ANKRD50: variants seen among roughly 807,000 people sequenced by gnomAD.
ANKRD50 encodes the protein ankyrin repeat domain-containing protein 50.
Under a neutral mutation model 112.0 loss-of-function variants are expected in ANKRD50, and 40 were observed. The ratio of observed to expected loss-of-function variants is 0.36; its 90% CI spans 0.28 to 0.46. The LOEUF (loss-of-function observed/expected upper bound fraction) is 0.46, where lower values mean the gene tolerates loss of function less well. ANKRD50 is among the 20% of genes least tolerant of loss of function. ANKRD50 has a pLI of 1.00. For missense variants in ANKRD50, 1,487 were observed against 1,701.7 expected, an observed-to-expected ratio of 0.87 and a Z score of 2.22; for synonymous variants, 613 against 619.1, an observed-to-expected ratio of 0.99 and a Z score of 0.15.
At position 124,671,816 on chromosome 4, in the gene ANKRD50, A is replaced by G; in HGVS notation, c.1461T>C (p.Ser487=). 1 of 1,613,918 alleles carries G rather than the reference A, an allele frequency of 6.2e-7. No homozygotes were observed. Among genetic ancestry groups the G allele is most frequent in the Non-Finnish European group, 8.5e-7 (1 of 1,179,866 alleles). ...WNGTPVRDSL[S]TLIPKEQEVL... ...CTTCTTGTTCCTTGGGTATCAAAGT[A>G]GAAAGGGAATCTCTGACAGGTGTAC... The change falls in exon 4 of 5, where the codon TCT becomes TCC. Residue 487 remains serine (S), a synonymous_variant. Transcript: ENST00000504087.
At chr4:124,694,564 G>A (rs1725208253) in intron 2 of ANKRD50, among the ~76,000 whole-genome samples, 2 of 152,138 alleles carry the variant, frequency 1.3e-5, no homozygotes. Flanking sequence ...AGGAGCTGGA[G>A]CTAGGGCATG....
At chr4:124,668,171 C>A (rs72680254) in intron 4 of ANKRD50, among the ~76,000 whole-genome samples, 4,179 of 151,758 alleles carry the variant, frequency 0.028, 77 homozygotes, top group Middle Eastern at 0.048. Context: ...CACTAACATC[C>A]CCTATATTAT....
At position 124,669,027 on chromosome 4, in the gene ANKRD50, G is replaced by C. The variant is rs774247434; in HGVS notation, c.4250C>G (p.Ser1417Cys). 6.2e-7 allele frequency: 1 copy of C among 1,612,138 alleles called. No homozygotes were observed. Among genetic ancestry groups the C allele is most frequent in the Non-Finnish European group, 8.5e-7 (1 of 1,179,310 alleles). The change falls in exon 4 of 5, where the codon TCT becomes TGT. Residue 1417 changes from serine (S) to cysteine (C), a missense_variant. Physicochemically the swap from Ser to Cys is moderately radical, Grantham distance 112. Coordinates refer to ENST00000504087, the MANE Select transcript of ANKRD50 (RefSeq NM_020337.3). ...KQALKLQIEG[S>C]DPSFNYKKET... Reference sequence around the variant, plus strand: ...CTTTTTATAGTTGAAGCTAGGGTCAGAACCTTCAATCTGAAGCTTCAGAGC... The same window carrying C: ...CTTTTTATAGTTGAAGCTAGGGTCACAACCTTCAATCTGAAGCTTCAGAGC...
Position 124,710,734 on chromosome 4 carries a change from G to T in ANKRD50, c.-223C>A. The T allele has an allele frequency of 1.8e-6, 1 of 553,896 alleles. No homozygotes were observed. Among genetic ancestry groups the T allele is most frequent in the Non-Finnish European group, 3.2e-6 (1 of 317,132 alleles). 34.3% of individuals were successfully genotyped at this position (553,896 alleles called of 1,614,324 possible). ...ATGTATTAGTTGTTGAACTGAGGGA[G>T]AAACGCCTGATTCCACAGCTCAGCA... On this transcript the variant is annotated 5_prime_UTR_variant, in exon 2 of 5. Coordinates refer to ENST00000504087, the MANE Select transcript of ANKRD50 (RefSeq NM_020337.3).
Position 124,670,947 on chromosome 4 carries a change from G to A in ANKRD50, c.2330C>T (p.Thr777Ile), listed in dbSNP as rs1189590180. ...GAGGGGTGTACGGCCATTGTTATCTGTGTGATCTACATCTGCTCCCCCTTC... is the reference window on the plus strand; with the variant it reads ...GAGGGGTGTACGGCCATTGTTATCTATGTGATCTACATCTGCTCCCCCTTC... ...LLEGGADVDH[T>I]DNNGRTPLLA... Residue 777 changes from threonine to isoleucine, a missense_variant, in exon 4 of 5, where the codon ACA becomes ATA. This residue lies in a region of ANKRD50 where 1,046 missense variants were observed against 1,269.5 expected (regional missense o/e 0.82). Transcript: ENST00000504087. 4 of 1,613,818 alleles carry A rather than the reference G, an allele frequency of 2.5e-6. No individual in the cohort carries two copies. In the South Asian group the frequency reaches 4.4e-5, roughly 18 times the overall value.
At chr4:124,705,793 T>A (rs1725492547) in intron 2 of ANKRD50, among the ~76,000 whole-genome samples, 1 of 152,044 alleles carries the variant, frequency 6.6e-6, no homozygotes. Context: ...AAAGACACAG[T>A]CAATGTAAAA....
chr4:124,699,150 T>C (rs942754200), intron 2 of ANKRD50, among the ~76,000 whole-genome samples: 4 of 151,994 alleles, frequency 2.6e-5, no homozygotes, highest in Non-Finnish European at 5.9e-5. Context: ...ATGGAGTGTG[T>C]GTGAGTAGAG....
At chr4:124,690,768 G>C (rs1725118485) in intron 2 of ANKRD50, among the ~76,000 whole-genome samples, 1 of 152,130 alleles carries the variant, frequency 6.6e-6, no homozygotes, top group Non-Finnish European at 1.5e-5. Flanking sequence ...TCTACTGTAA[G>C]TTTGGGGTGA....
intron 2 of ANKRD50, among the ~76,000 whole-genome samples, chr4:124,681,751 A>T (rs143856572): frequency 6.6e-6 from 1 of 152,208 alleles, no homozygotes; most frequent in Admixed American, 6.5e-5. Context: ...AATTGAAGTC[A>T]TTTTCCATAC....
At chr4:124,693,486 GTAGT>G (rs1725180467) in intron 2 of ANKRD50, among the ~76,000 whole-genome samples, 1 of 152,130 alleles carries the variant, frequency 6.6e-6, no homozygotes, top group South Asian at 2.1e-4. Flanking sequence ...ATCTGGATCT[GTAGT>G]TAATTACCTG....
intron 2 of ANKRD50, among the ~76,000 whole-genome samples, chr4:124,682,322 CAAAAAAAAAAAAAAAAA>C (rs36107017): frequency 0.51 from 45,295 of 89,622 alleles, 7,654 homozygotes; most frequent in South Asian, 0.58. Flanking sequence ...GACTCCGTCT[CAAAAAAAAAAAAAAAAA>C]AAAAAAAAAA....
intron 2 of ANKRD50, among the ~76,000 whole-genome samples, chr4:124,681,515 T>A (rs1443991739): frequency 6.6e-6 from 1 of 152,080 alleles, no homozygotes; most frequent in Non-Finnish European, 1.5e-5. Flanking sequence ...CCTGGGCACA[T>A]CATAGTGGGG....
intron 2 of ANKRD50, among the ~76,000 whole-genome samples, chr4:124,687,568 T>C (rs1274486708): frequency 6.6e-6 from 1 of 152,092 alleles, no homozygotes; most frequent in African/African-American, 2.4e-5. Context: ...TTAGATACTG[T>C]TAAGATAATG....
chr4:124,693,081 T>A (rs967156396), intron 2 of ANKRD50, among the ~76,000 whole-genome samples: 1 of 152,192 alleles, frequency 6.6e-6, no homozygotes, highest in African/African-American at 2.4e-5. Context: ...TCCCTCTTCT[T>A]AATTATTGTG....
At position 124,669,236 on chromosome 4, in the gene ANKRD50, A is replaced by G; in HGVS notation, c.4041T>C (p.Leu1347=). 3 of 1,613,698 alleles carry G rather than the reference A, an allele frequency of 1.9e-6. No homozygotes were observed. Among genetic ancestry groups the G allele is most frequent in the Non-Finnish European group, 2.5e-6 (3 of 1,179,802 alleles). The change falls in exon 4 of 5, where the codon CTT becomes CTC. Residue 1347 remains leucine (L), a synonymous_variant. Coordinates refer to ENST00000504087, the MANE Select transcript of ANKRD50 (RefSeq NM_020337.3). ...QEIGRSQQQF[L]IHQQSGEQKK... is the part of the protein sequence containing the mutation. ...TCTGTTCCCCACTTTGTTGGTGAAT[A>G]AGAAACTGCTGTTGAGATCGACCAA...
chr4:124,704,832 C>T (rs1202600629), intron 2 of ANKRD50, among the ~76,000 whole-genome samples: 2 of 152,148 alleles, frequency 1.3e-5, no homozygotes, highest in Non-Finnish European at 2.9e-5. Flanking sequence ...CAGTGGCTCA[C>T]GCCTGTAATC....
chr4:124,693,113 CAA>C (rs1725173128), intron 2 of ANKRD50, among the ~76,000 whole-genome samples: 2 of 152,106 alleles, frequency 1.3e-5, no homozygotes, highest in South Asian at 2.1e-4. Context: ...CTGAAAATAT[CAA>C]AGAGTATAAG....
intron 2 of ANKRD50, among the ~76,000 whole-genome samples, chr4:124,702,673 C>A (rs1014522105): frequency 3.3e-4 from 51 of 152,260 alleles, no homozygotes; most frequent in African/African-American, 1.2e-3. Flanking sequence ...AGATAATAAT[C>A]AAGCTTCCTA....
At position 124,666,761 on chromosome 4, in the gene ANKRD50, T is replaced by C. The variant is rs1730501108; in HGVS notation, c.*757A>G. The C allele has an allele frequency of 6.6e-6, 1 of 152,406 alleles. No homozygotes were observed. Among genetic ancestry groups the C allele is most frequent in the African/African-American group, 2.4e-5 (1 of 41,426 alleles). The allele number at this position is 152,406 out of a possible 1,614,324, so 9.4% of individuals were successfully genotyped here. ...GTGGAATGACAAAGTGAATGGAAGATGAAATTGTATCCCAGCGGATGAAAT... is the reference window on the plus strand; with the variant it reads ...GTGGAATGACAAAGTGAATGGAAGACGAAATTGTATCCCAGCGGATGAAAT... On this transcript the variant is annotated 3_prime_UTR_variant, in exon 5 of 5. Transcript: ENST00000504087.
Sources: gnomAD v4.1 joint callset for allele counts (sites outside exome capture counted in the v4.1 genomes callset) on GRCh38, gnomAD v4.1.1 for gene constraint, gnomAD v4.1.1 regional missense constraint, MANE v1.5 for transcripts, NCBI Gene and HGNC (gene_info 2026-07-23, HGNC 2026-07-21) for gene names.